RAB38: variants seen among roughly 807,000 people sequenced by gnomAD.
RAB38 encodes RAB38, member RAS oncogene family.
RAB38 carries 15 observed loss-of-function variants against 18.4 expected under a neutral mutation model. The observed-to-expected ratio is 0.82, with a 90% CI of 0.55 to 1.26. RAB38 has a LOEUF of 1.26. Ranked by LOEUF, RAB38 falls within the 50% of genes most tolerant of loss-of-function variation. RAB38 has a pLI of 0.00. For missense variants in RAB38, 294 were observed against 267.4 expected, an observed-to-expected ratio of 1.10 and a Z score of -0.69; for synonymous variants, 101 against 104.4, an observed-to-expected ratio of 0.97 and a Z score of 0.20.
chr11:88,132,029 G>C (rs1334466903), intron 2 of RAB38, among the ~76,000 whole-genome samples: 1 of 152,158 alleles, frequency 6.6e-6, no homozygotes, highest in Admixed American at 6.5e-5. Flanking sequence ...CCAACAACCT[G>C]AATGAGCATA....
chr11:87,965,139 A>T, the RAB38 span, among the ~76,000 whole-genome samples: 1 of 152,162 alleles, frequency 6.6e-6, no homozygotes, highest in East Asian at 1.9e-4. Context: ...GACACATCCA[A>T]TGTCCCCTAG....
At chr11:88,082,314 T>C in the RAB38 span, among the ~76,000 whole-genome samples, 1 of 151,610 alleles carries the variant, frequency 6.6e-6, no homozygotes, top group African/African-American at 2.4e-5. Flanking sequence ...TCTTAATATA[T>C]TAGAAAGAAA....
chr11:87,883,721 C>T, the RAB38 span, among the ~76,000 whole-genome samples: 1 of 151,812 alleles, frequency 6.6e-6, no homozygotes, highest in South Asian at 2.1e-4. Flanking sequence ...GAGAGGTGTG[C>T]CAGTGGAAGA....
At chr11:88,047,826 C>A in the RAB38 span, among the ~76,000 whole-genome samples, 2 of 152,186 alleles carry the variant, frequency 1.3e-5, no homozygotes, top group Non-Finnish European at 2.9e-5. Context: ...CTCATCTGGC[C>A]ACTCCCACAT....
the RAB38 span, among the ~76,000 whole-genome samples, chr11:87,838,268 C>A: frequency 6.6e-6 from 1 of 152,078 alleles, no homozygotes; most frequent in Non-Finnish European, 1.5e-5. Flanking sequence ...GCGCCTGCCA[C>A]CACGCCCAGC....
chr11:87,895,276 A>G, the RAB38 span, among the ~76,000 whole-genome samples: 1 of 151,674 alleles, frequency 6.6e-6, no homozygotes, highest in African/African-American at 2.4e-5. Flanking sequence ...TGGGGAAAAT[A>G]AACACTTAAA....
At chr11:87,876,852 T>G in the RAB38 span, among the ~76,000 whole-genome samples, 1 of 151,538 alleles carries the variant, frequency 6.6e-6, no homozygotes, top group African/African-American at 2.4e-5. Context: ...CCGGGCACAA[T>G]TTTCTCCTTT....
At chr11:88,056,832 A>AATAAATAAATAAATAC in the RAB38 span, among the ~76,000 whole-genome samples, 11 of 45,500 alleles carry the variant, frequency 2.4e-4, no homozygotes, top group East Asian at 2.2e-3. Flanking sequence ...TAAATAAATA[A>AATAAATAAATAAATAC]ATACATACAT....
At chr11:87,946,321 TGTATGAGAACATTTGG>T in the RAB38 span, among the ~76,000 whole-genome samples, 1 of 152,166 alleles carries the variant, frequency 6.6e-6, no homozygotes, top group Non-Finnish European at 1.5e-5. Context: ...TCTTCCTTGA[TGTATGAGAACATTTGG>T]AATTCAGTCT....
chr11:87,878,256 A>ATCTG, the RAB38 span, among the ~76,000 whole-genome samples: 327 of 37,268 alleles, frequency 8.8e-3, 22 homozygotes, highest in Middle Eastern at 0.028. Context: ...CCTATCATCT[A>ATCTG]TCTATCTATC....
At chr11:87,872,502 G>T in the RAB38 span, among the ~76,000 whole-genome samples, 3 of 151,296 alleles carry the variant, frequency 2.0e-5, no homozygotes, top group Non-Finnish European at 3.0e-5. Flanking sequence ...CTTAATTTAC[G>T]TTCTATGGGT....
the RAB38 span, among the ~76,000 whole-genome samples, chr11:87,828,428 G>T: frequency 1.3e-5 from 2 of 152,114 alleles, no homozygotes; most frequent in African/African-American, 4.8e-5. Context: ...TGGCAGTTAA[G>T]AATGTTTAAA....
the RAB38 span, among the ~76,000 whole-genome samples, chr11:88,011,854 A>G: frequency 2.0e-5 from 3 of 152,184 alleles, no homozygotes; most frequent in African/African-American, 7.2e-5. Flanking sequence ...ATAGGCCTCC[A>G]TAACTCCAAA....
the RAB38 span, among the ~76,000 whole-genome samples, chr11:87,945,590 G>A: frequency 6.6e-6 from 1 of 152,122 alleles, no homozygotes; most frequent in Non-Finnish European, 1.5e-5. Flanking sequence ...AAAAGAAAAA[G>A]AGAGGTTCCT....
At chr11:87,905,856 A>G in the RAB38 span, among the ~76,000 whole-genome samples, 1 of 151,938 alleles carries the variant, frequency 6.6e-6, no homozygotes, top group African/African-American at 2.4e-5. Flanking sequence ...TTGTACTCTG[A>G]CTGCAAATTA....
At chr11:88,169,158 T>G (rs927281911) in intron 1 of RAB38, among the ~76,000 whole-genome samples, 7 of 152,048 alleles carry the variant, frequency 4.6e-5, no homozygotes, top group African/African-American at 1.4e-4. Context: ...ACTGGTGACA[T>G]ATGAGGGTCA....
the RAB38 span, among the ~76,000 whole-genome samples, chr11:87,845,166 A>G: frequency 1.2e-4 from 19 of 152,332 alleles, no homozygotes; most frequent in African/African-American, 4.6e-4. Context: ...TTAAGATACA[A>G]CCCAAAATTA....
At chr11:88,173,952 G>C (rs973465886) in intron 1 of RAB38, 115 of 985,388 alleles carry the variant, frequency 1.2e-4, no homozygotes, top group Non-Finnish European at 1.4e-4. Context: ...CCATGATAAA[G>C]AGTTTCCAAT....
At chr11:88,059,347 C>A in the RAB38 span, among the ~76,000 whole-genome samples, 2 of 152,222 alleles carry the variant, frequency 1.3e-5, no homozygotes, top group Admixed American at 6.5e-5. Context: ...TCTATTCATT[C>A]TTAATAGGGG....
Sources: allele counts gnomAD v4.1 joint callset (sites outside exome capture counted in the v4.1 genomes callset), GRCh38; gene constraint gnomAD v4.1.1; transcripts MANE v1.5; gene names NCBI Gene and HGNC (gene_info 2026-07-23, HGNC 2026-07-21).